The following CCDC85A variants were observed in gnomAD, a reference collection of about 807,000 sequenced individuals.
The protein encoded by CCDC85A is coiled-coil domain-containing protein 85A.
CCDC85A carries 38 observed loss-of-function variants against 50.2 expected under a neutral mutation model. That is an observed-to-expected ratio of 0.76 (90% CI 0.58 to 0.99). The LOEUF is 0.99. CCDC85A is among the 50% of genes least tolerant of loss of function. CCDC85A has a pLI of 0.00. For missense variants in CCDC85A, 820 were observed against 742.0 expected (o/e 1.11, Z -1.22); for synonymous variants, 366 against 301.4 (o/e 1.21, Z -2.22).
chr2:56,324,391 A>G (rs997796817), intron 2 of CCDC85A, among the ~76,000 whole-genome samples: 1 of 152,050 alleles, frequency 6.6e-6, no homozygotes, highest in East Asian at 1.9e-4. Context: ...TGCTCCCTAT[A>G]GCTATGTACT....
intron 2 of CCDC85A, among the ~76,000 whole-genome samples, chr2:56,272,599 A>G (rs2104067922): frequency 6.6e-6 from 1 of 152,350 alleles, no homozygotes; most frequent in South Asian, 2.1e-4. Context: ...CATCATATAT[A>G]GCAGAGAGTA....
At position 56,272,873 on chromosome 2, in the gene CCDC85A, A is replaced by C. The variant is rs543736373; in HGVS notation, c.1241-70006A>C. 1.5e-4 allele frequency among the ~76,000 whole-genome samples: 23 copies of C among 152,338 alleles called. 1 individual carries two copies. In the South Asian group the frequency reaches 4.8e-3, roughly 32 times the overall value. Reference sequence around the variant, plus strand: ...CCTCAACTTGTAAATGTGAATAGGCAGGCCAATATTACAAGGTATTTGAAG... The same window carrying C: ...CCTCAACTTGTAAATGTGAATAGGCCGGCCAATATTACAAGGTATTTGAAG... On this transcript the variant is annotated intron_variant, in intron 2 of 5. Coordinates refer to ENST00000407595, the MANE Select transcript of CCDC85A (RefSeq NM_001080433.2).
At chr2:56,374,909 G>C (rs1197844301) in intron 4 of CCDC85A, among the ~76,000 whole-genome samples, 2 of 152,180 alleles carry the variant, frequency 1.3e-5, no homozygotes, top group Non-Finnish European at 2.9e-5. Flanking sequence ...AACTTGAATG[G>C]AGCAATTACT....
chr2:56,204,301 A>C (rs1221987443), intron 2 of CCDC85A, among the ~76,000 whole-genome samples: 1 of 152,172 alleles, frequency 6.6e-6, no homozygotes, highest in Admixed American at 6.5e-5. Context: ...ATGTCTATTC[A>C]CTGTTTTGGA....
chr2:56,251,283 A>C (rs928061375), intron 2 of CCDC85A, among the ~76,000 whole-genome samples: 1 of 152,158 alleles, frequency 6.6e-6, no homozygotes, highest in African/African-American at 2.4e-5. Context: ...TGCCTGGTAT[A>C]TATTAGGTGC....
intron 3 of CCDC85A, among the ~76,000 whole-genome samples, chr2:56,368,790 A>G (rs1415374785): frequency 2.7e-5 from 4 of 148,674 alleles, no homozygotes; most frequent in Non-Finnish European, 6.0e-5. Context: ...GTCAATTGGA[A>G]ATATTTATAT....
chr2:56,208,168 T>G (rs566360777), intron 2 of CCDC85A, among the ~76,000 whole-genome samples: 10 of 152,292 alleles, frequency 6.6e-5, no homozygotes, highest in Admixed American at 5.2e-4. Flanking sequence ...TCTAATTTTA[T>G]CCATACAATG....
At chr2:56,265,654 G>A (rs1055815035) in intron 2 of CCDC85A, among the ~76,000 whole-genome samples, 8 of 152,174 alleles carry the variant, frequency 5.3e-5, no homozygotes, top group Non-Finnish European at 1.2e-4. Context: ...AAAAGTGTTG[G>A]TGAGGATGTG....
chr2:56,341,671 G>C (rs1674378023), intron 2 of CCDC85A, among the ~76,000 whole-genome samples: 2 of 152,126 alleles, frequency 1.3e-5, no homozygotes, highest in African/African-American at 4.8e-5. Context: ...ATAAACTTTA[G>C]AGTTCAGTAT....
intron 2 of CCDC85A, among the ~76,000 whole-genome samples, chr2:56,270,781 A>C (rs920174892): frequency 6.6e-6 from 1 of 152,202 alleles, no homozygotes; most frequent in Non-Finnish European, 1.5e-5. Flanking sequence ...AAGGTGTTTA[A>C]TGTAGGAACT....
intron 5 of CCDC85A, among the ~76,000 whole-genome samples, chr2:56,380,579 A>G (rs1451434902): frequency 6.6e-6 from 1 of 151,826 alleles, no homozygotes; most frequent in Non-Finnish European, 1.5e-5. Context: ...AACAACAACA[A>G]CAGGATAGAC....
intron 3 of CCDC85A, among the ~76,000 whole-genome samples, chr2:56,371,242 A>G (rs76697030): frequency 0.015 from 2,218 of 152,220 alleles, 57 homozygotes; most frequent in African/African-American, 0.051. Context: ...TTCAGAAAAG[A>G]GTTTTGTGAG....
intron 3 of CCDC85A, among the ~76,000 whole-genome samples, chr2:56,361,646 T>C (rs1675531937): frequency 6.6e-6 from 1 of 152,112 alleles, no homozygotes. Context: ...GCAAGGATAT[T>C]TCAGAAAGAG....
At chr2:56,350,247 A>G (rs953812454) in intron 3 of CCDC85A, among the ~76,000 whole-genome samples, 8 of 151,166 alleles carry the variant, frequency 5.3e-5, no homozygotes, top group African/African-American at 1.9e-4. Flanking sequence ...GCTCACTGCA[A>G]CCTCCACCTC....
At chr2:56,329,608 C>T (rs149689518) in intron 2 of CCDC85A, among the ~76,000 whole-genome samples, 203 of 152,140 alleles carry the variant, frequency 1.3e-3, no homozygotes, top group African/African-American at 4.3e-3. Flanking sequence ...GTGAGAATGT[C>T]GCTTTTCTTA....
intron 2 of CCDC85A, among the ~76,000 whole-genome samples, chr2:56,216,191 G>A (rs534243954): frequency 2.6e-5 from 4 of 151,942 alleles, no homozygotes; most frequent in African/African-American, 7.2e-5. Flanking sequence ...GCTATCATAA[G>A]ATTTTCCTAT....
chr2:56,350,400 A>G (rs375010321), intron 3 of CCDC85A, among the ~76,000 whole-genome samples: 3 of 152,232 alleles, frequency 2.0e-5, no homozygotes, highest in African/African-American at 7.2e-5. Context: ...GTGAAACCCC[A>G]TCTCTACTAA....
intron 2 of CCDC85A, among the ~76,000 whole-genome samples, chr2:56,270,680 T>C (rs1448116217): frequency 6.6e-6 from 1 of 152,306 alleles, no homozygotes; most frequent in East Asian, 1.9e-4. Flanking sequence ...TAAGGTCCAT[T>C]GGATATTGCA....
chr2:56,363,657 T>G (rs1219691845), intron 3 of CCDC85A, among the ~76,000 whole-genome samples: 1 of 152,206 alleles, frequency 6.6e-6, no homozygotes, highest in African/African-American at 2.4e-5. Context: ...GGAATATTTC[T>G]TAGTCAATTC....
Sources: gnomAD v4.1 joint callset for allele counts (sites outside exome capture counted in the v4.1 genomes callset) on GRCh38, gnomAD v4.1.1 for gene constraint, MANE v1.5 for transcripts, NCBI Gene and HGNC (gene_info 2026-07-23, HGNC 2026-07-21) for gene names.